The following SRPK2 variants were observed in gnomAD, a reference collection of about 807,000 sequenced individuals.
SRPK2 encodes SFRS protein kinase 2.
SRPK2 carries 21 observed loss-of-function variants against 90.8 expected under a neutral mutation model. That is an observed-to-expected ratio of 0.23 (90% CI 0.16 to 0.33). The LOEUF is 0.33. Ranked by LOEUF, SRPK2 falls within the 10% of genes least tolerant of loss-of-function variation. The pLI is 1.00. For synonymous variants in SRPK2, 288 were observed against 311.1 expected, an observed-to-expected ratio of 0.93 and a Z score of 0.78; for missense variants, 620 against 869.0, an observed-to-expected ratio of 0.71 and a Z score of 3.60.
At chr7:105,166,184 A>G (rs1790036028) in intron 6 of SRPK2, among the ~76,000 whole-genome samples, 1 of 152,278 alleles carries the variant, frequency 6.6e-6, no homozygotes, top group African/African-American at 2.4e-5. Flanking sequence ...TCTGTGGATC[A>G]TAGTCTAACA....
At chr7:105,260,143 A>G (rs1270567497) in intron 2 of SRPK2, among the ~76,000 whole-genome samples, 1 of 152,266 alleles carries the variant, frequency 6.6e-6, no homozygotes, top group African/African-American at 2.4e-5. Flanking sequence ...CCCATCTGAC[A>G]AAGGGCTAAT....
chr7:105,126,855 T>G, intron 14 of SRPK2, 138 bp downstream of exon 14: 1 of 849,896 alleles, frequency 1.2e-6, no homozygotes, highest in East Asian at 2.5e-5. Context: ...GGCATCAAAC[T>G]CAAAGGAAAA....
At chr7:105,396,817 AGAAAG>A (rs1586043843) in intron 1 of SRPK2, among the ~76,000 whole-genome samples, 2 of 78,224 alleles carry the variant, frequency 2.6e-5, no homozygotes, top group Admixed American at 1.4e-4. Context: ...AAAGAAAGAG[AGAAAG>A]AGAGAGAGAG....
chr7:105,279,187 G>A (rs1172603919), intron 2 of SRPK2, among the ~76,000 whole-genome samples: 1 of 152,070 alleles, frequency 6.6e-6, no homozygotes, highest in Non-Finnish European at 1.5e-5. Flanking sequence ...CTTTACAGTG[G>A]GGGTGCCAGA....
chr7:105,244,837 AG>A lies in SRPK2; in HGVS notation c.72-41053del. On this transcript the variant is annotated intron_variant, in intron 2 of 15. Coordinates refer to ENST00000393651, the MANE Select transcript of SRPK2 (RefSeq NM_182692.3). Reference sequence around the variant, plus strand: ...AGCAGCACGCCAAGGAGTTACTGAAAGGTCTCCAAAGACAAACGGGTCCTCA... The same window carrying A: ...AGCAGCACGCCAAGGAGTTACTGAAAGTCTCCAAAGACAAACGGGTCCTCA... 3.9e-6 allele frequency: 4 copies of A among 1,033,822 alleles called. No homozygotes were observed. The East Asian group carries it at 9.5e-5, about 25-fold the overall frequency. 64.0% of individuals were successfully genotyped at this position (1,033,822 alleles called of 1,614,324 possible).
intron 2 of SRPK2, among the ~76,000 whole-genome samples, chr7:105,221,889 G>A (rs1349185073): frequency 6.6e-6 from 1 of 152,084 alleles, no homozygotes; most frequent in South Asian, 2.1e-4. Flanking sequence ...ATTCTTTACA[G>A]CCCTAGTATC....
chr7:105,146,717 T>A (rs914651596), intron 7 of SRPK2, 59 bp from the exon 8 acceptor site: 1 of 1,528,564 alleles, frequency 6.5e-7, no homozygotes, highest in Non-Finnish European at 8.9e-7. Context: ...ATATAACTTT[T>A]ATTTATTTGA....
At chr7:105,198,837 A>T (rs1400965392) in intron 3 of SRPK2, among the ~76,000 whole-genome samples, 1 of 152,226 alleles carries the variant, frequency 6.6e-6, no homozygotes, top group African/African-American at 2.4e-5. Flanking sequence ...GCCTAAAGAG[A>T]AAGGAATTTG....
At chr7:105,226,659 T>C (rs1490499144) in intron 2 of SRPK2, among the ~76,000 whole-genome samples, 1 of 152,126 alleles carries the variant, frequency 6.6e-6, no homozygotes, top group Non-Finnish European at 1.5e-5. Flanking sequence ...AGGCCTTTTT[T>C]CAAGTGCAGG....
At chr7:105,358,108 C>T (rs1044929273) in intron 2 of SRPK2, among the ~76,000 whole-genome samples, 1 of 151,276 alleles carries the variant, frequency 6.6e-6, no homozygotes, top group African/African-American at 2.4e-5. Context: ...CCTGGAGTCC[C>T]AGCTACTCAA....
At position 105,117,793 on chromosome 7, in the gene SRPK2, A is replaced by G. The variant is rs1296351644; in HGVS notation, c.*45T>C. ...GAGAGTCACCGTTTAGGTCCAATGTACTGGGAACATTTGCTAGCTCAGAAT... is the reference window on the plus strand; with the variant it reads ...GAGAGTCACCGTTTAGGTCCAATGTGCTGGGAACATTTGCTAGCTCAGAAT... On this transcript the variant is annotated 3_prime_UTR_variant, in exon 16 of 16. Transcript: ENST00000393651. 1 of 1,594,018 alleles carries G rather than the reference A, an allele frequency of 6.3e-7. No homozygotes were observed. The highest frequency in any genetic ancestry group is 1.1e-5 in the South Asian group (1 of 90,438).
intron 3 of SRPK2, among the ~76,000 whole-genome samples, chr7:105,172,114 T>C (rs1791235798): frequency 6.6e-6 from 1 of 152,046 alleles, no homozygotes; most frequent in Non-Finnish European, 1.5e-5. Flanking sequence ...GGCTGGTCTC[T>C]AACTCTTGAC....
At chr7:105,192,612 G>A (rs374352268) in intron 3 of SRPK2, among the ~76,000 whole-genome samples, 12 of 152,242 alleles carry the variant, frequency 7.9e-5, no homozygotes, top group African/African-American at 2.2e-4. Context: ...AGTTCTTTAC[G>A]GAATCTCCAC....
chr7:105,200,297 T>C (rs1027606802), intron 3 of SRPK2, among the ~76,000 whole-genome samples: 3 of 152,066 alleles, frequency 2.0e-5, no homozygotes, highest in Admixed American at 6.5e-5. Flanking sequence ...CGAGACTCCA[T>C]CTCAAAACAA....
intron 7 of SRPK2, among the ~76,000 whole-genome samples, chr7:105,155,621 T>A (rs1806384731): frequency 6.6e-6 from 1 of 152,094 alleles, no homozygotes; most frequent in Non-Finnish European, 1.5e-5. Context: ...GCCCTAGGGT[T>A]GAGATGGGGC....
At chr7:105,303,199 C>A (rs1810768060) in intron 2 of SRPK2, among the ~76,000 whole-genome samples, 2 of 152,214 alleles carry the variant, frequency 1.3e-5, no homozygotes, top group South Asian at 4.1e-4. Flanking sequence ...CCATTCTGAG[C>A]AAACTATTGC....
rs1804054297 is a variant in SRPK2, at chr7:105,143,196, G to A, written c.948C>T (p.Asn316=). The change falls in exon 10 of 16, where the codon AAC becomes AAT. Residue 316 remains asparagine, a synonymous_variant. Transcript: ENST00000393651. ...REAERKIIEE[N]ITSAAPSNDQ... is the part of the protein sequence containing the mutation. ...CATTGGAAGGTGCAGCTGAGGTGAT[G>A]TTTTCTTCTATTATTTTCCTTTCAG... is the stretch of plus-strand genomic sequence containing the variant. 2 of 1,614,048 alleles carry A rather than the reference G, an allele frequency of 1.2e-6. No individual in the cohort carries two copies. Among genetic ancestry groups the A allele is most frequent in the African/African-American group, 2.7e-5 (2 of 74,902 alleles).
At chr7:105,204,453 T>C (rs1353828620) in intron 2 of SRPK2, 3 of 306,994 alleles carry the variant, frequency 9.8e-6, no homozygotes, top group African/African-American at 2.2e-5. Flanking sequence ...ATGAGGAGAA[T>C]GGTTCATAAT....
At chr7:105,386,277 G>A (rs1821584814) in intron 2 of SRPK2, among the ~76,000 whole-genome samples, 1 of 139,472 alleles carries the variant, frequency 7.2e-6, no homozygotes, top group Non-Finnish European at 1.5e-5. Context: ...TCGCGCCACT[G>A]CCCTCCAGCC....
Sources: gnomAD v4.1 joint callset for allele counts (sites outside exome capture counted in the v4.1 genomes callset) on GRCh38, gnomAD v4.1.1 for gene constraint, MANE v1.5 for transcripts, NCBI Gene and HGNC (gene_info 2026-07-23, HGNC 2026-07-21) for gene names.